The following CREB5 variants were observed in gnomAD, a reference collection of about 807,000 sequenced individuals.
CREB5 encodes cyclic AMP-responsive element-binding protein 5.
CREB5 carries 19 observed loss-of-function variants against 57.1 expected under a neutral mutation model. The observed-to-expected ratio is 0.33, with a 90% confidence interval of 0.23 to 0.49. The LOEUF (loss-of-function observed/expected upper bound fraction) is 0.49. Among genes scored for constraint, CREB5 ranks in the 20% least tolerant of loss-of-function variants. The pLI is 0.99. For synonymous variants in CREB5, 238 were observed against 238.3 expected (o/e 1.00, Z 0.01); for missense variants, 579 against 671.6 (o/e 0.86, Z 1.52).
intron 2 of CREB5, among the ~76,000 whole-genome samples, chr7:28,493,016 T>C (rs541169815): frequency 6.6e-6 from 1 of 152,288 alleles, no homozygotes; most frequent in East Asian, 1.9e-4. Context: ...CAAAAGCCAA[T>C]GCTTTCCAAT....
At chr7:28,486,670 T>TTTTATATATATATATA (rs1554331894) in intron 1 of CREB5, among the ~76,000 whole-genome samples, 1 of 89,116 alleles carries the variant, frequency 1.1e-5, no homozygotes, top group Non-Finnish European at 2.3e-5. Flanking sequence ...TCCTATGATT[T>TTTTATATATATATATA]TATATATATA....
At chr7:28,480,009 A>G (rs1387736682) in intron 1 of CREB5, among the ~76,000 whole-genome samples, 1 of 88,996 alleles carries the variant, frequency 1.1e-5, no homozygotes, top group African/African-American at 5.0e-5. Flanking sequence ...CTTATCTAGA[A>G]TAAAAATCCA....
chr7:28,343,546 C>G (rs898890557), intron 1 of CREB5, among the ~76,000 whole-genome samples: 3 of 150,802 alleles, frequency 2.0e-5, no homozygotes, highest in Non-Finnish European at 4.4e-5. Flanking sequence ...TTTTTAATGG[C>G]CAAATCATAT....
At chr7:28,589,018 A>T (rs1796398504) in intron 5 of CREB5, among the ~76,000 whole-genome samples, 1 of 152,190 alleles carries the variant, frequency 6.6e-6, no homozygotes, top group Non-Finnish European at 1.5e-5. Flanking sequence ...TTAGAAATGT[A>T]AGACTCACTC....
intron 5 of CREB5, among the ~76,000 whole-genome samples, chr7:28,642,987 T>TAC (rs1179446048): frequency 0.046 from 4,521 of 98,374 alleles, 119 homozygotes; most frequent in East Asian, 0.099. Flanking sequence ...CACACACACA[T>TAC]ACACACACAC....
chr7:28,570,270 C>T (rs568143135), intron 4 of CREB5, 95 bp from the exon 5 acceptor site: 6 of 1,339,272 alleles, frequency 4.5e-6, no homozygotes, highest in Middle Eastern at 3.8e-4. Flanking sequence ...ATGTAGTTGA[C>T]ATGACTAGAT....
chr7:28,804,548 CCCTTCTTATTCT>C, intron 8 of CREB5, 26 bp downstream of exon 8: 1 of 1,608,086 alleles, frequency 6.2e-7, no homozygotes, highest in African/African-American at 1.3e-5. Flanking sequence ...GATCTCTTTC[CCCTTCTTATTCT>C]CCTTCTTAAC....
At chr7:28,789,025 A>G (rs1807503442) in intron 7 of CREB5, among the ~76,000 whole-genome samples, 1 of 152,122 alleles carries the variant, frequency 6.6e-6, no homozygotes, top group South Asian at 2.1e-4. Flanking sequence ...CTGCCATGTT[A>G]ATCTCCCTAA....
intron 7 of CREB5, among the ~76,000 whole-genome samples, chr7:28,745,414 C>T (rs930439479): frequency 6.6e-6 from 1 of 152,286 alleles, no homozygotes; most frequent in East Asian, 1.9e-4. Flanking sequence ...CATTCTTAGC[C>T]TTGATGCTAG....
At chr7:28,533,930 G>T (rs1179124308) in intron 4 of CREB5, among the ~76,000 whole-genome samples, 1 of 152,124 alleles carries the variant, frequency 6.6e-6, no homozygotes, top group Non-Finnish European at 1.5e-5. Context: ...GAATGACAGG[G>T]CATATGCAGG....
At chr7:28,585,199 A>G (rs1472770776) in intron 5 of CREB5, among the ~76,000 whole-genome samples, 1 of 152,234 alleles carries the variant, frequency 6.6e-6, no homozygotes, top group Non-Finnish European at 1.5e-5. Flanking sequence ...TATAATTTGC[A>G]AAGAATGGAA....
chr7:28,300,422 T>C (rs1785080770), intron 1 of CREB5, among the ~76,000 whole-genome samples: 1 of 152,234 alleles, frequency 6.6e-6, no homozygotes, highest in Middle Eastern at 3.2e-3. Flanking sequence ...TATGTCCATC[T>C]CCAGGTGGCT....
Position 28,804,508 on chromosome 7 carries a change from G to A in CREB5, c.1012G>A (p.Gly338Ser), listed in dbSNP as rs145585405. The change falls in exon 8 of 11, where the codon GGC (glycine) becomes AGC (serine). Residue 338 changes from glycine to serine, a missense_variant. Transcript: ENST00000357727. ...CTCGCCACATCCGCCCCTGCACACCGGCAACCAAGCACAGGTAGACCTTTT... is the reference window on the plus strand; with the variant it reads ...CTCGCCACATCCGCCCCTGCACACCAGCAACCAAGCACAGGTAGACCTTTT... ...QTSPHPPLHT[G>S]NQAQVSPATQ... The A allele has an allele frequency of 1.8e-4, 287 of 1,613,700 alleles. No individual in the cohort carries two copies. Among genetic ancestry groups the A allele is most frequent in the South Asian group, 3.6e-4 (33 of 91,054 alleles).
At chr7:28,550,651 G>C (rs1269649972) in intron 4 of CREB5, among the ~76,000 whole-genome samples, 2 of 152,134 alleles carry the variant, frequency 1.3e-5, no homozygotes, top group Admixed American at 6.6e-5. Flanking sequence ...TTCTTGGGCT[G>C]TCCCCAGTCA....
intron 1 of CREB5, among the ~76,000 whole-genome samples, chr7:28,347,631 G>T (rs137902344): frequency 2.0e-3 from 299 of 152,066 alleles, no homozygotes; most frequent in African/African-American, 6.8e-3. Context: ...ACCCTGCCCC[G>T]CTCCCCACCC....
intron 5 of CREB5, among the ~76,000 whole-genome samples, chr7:28,638,298 C>CACACACACACACACGA (rs1562541730): frequency 6.7e-5 from 10 of 149,744 alleles, no homozygotes; most frequent in African/African-American, 2.2e-4. Flanking sequence ...CACACACGAA[C>CACACACACACACACGA]ACACACACAC....
At chr7:28,399,820 C>T (rs1054037949) in intron 1 of CREB5, among the ~76,000 whole-genome samples, 7 of 151,980 alleles carry the variant, frequency 4.6e-5, no homozygotes, top group African/African-American at 1.5e-4. Context: ...CTTTGGGAGG[C>T]GAGGTGGGTT....
chr7:28,654,250 T>TC (rs1386242544), intron 5 of CREB5, among the ~76,000 whole-genome samples: 3 of 152,148 alleles, frequency 2.0e-5, no homozygotes, highest in Admixed American at 2.0e-4. Context: ...TACAGCTCGC[T>TC]CCCCCTCTTC....
At chr7:28,552,381 C>T (rs1241593968) in intron 4 of CREB5, among the ~76,000 whole-genome samples, 1 of 152,192 alleles carries the variant, frequency 6.6e-6, no homozygotes, top group East Asian at 1.9e-4. Flanking sequence ...GCAGATTTAT[C>T]TCCTTTTGTT....
Sources: gnomAD v4.1 joint callset for allele counts (sites outside exome capture counted in the v4.1 genomes callset) on GRCh38, gnomAD v4.1.1 for gene constraint, MANE v1.5 for transcripts, NCBI Gene and HGNC (gene_info 2026-07-23, HGNC 2026-07-21) for gene names.